The following VPS45 variants were observed in gnomAD, a reference collection of about 807,000 sequenced individuals.
The protein encoded by VPS45 is vacuolar protein sorting-associated protein 45.
In VPS45, 35 loss-of-function variants were observed where a neutral mutation model predicts 75.9. The observed-to-expected ratio is 0.46, with a 90% CI of 0.35 to 0.61. The LOEUF is 0.61. Ranked by LOEUF, VPS45 falls within the 20% of genes least tolerant of loss-of-function variation. The pLI is 0.00. For missense variants in VPS45, 559 were observed against 685.9 expected, an observed-to-expected ratio of 0.81 and a Z score of 2.07; for synonymous variants, 220 against 238.2, an observed-to-expected ratio of 0.92 and a Z score of 0.70.
chr1:150,093,436 G>A, intron 12 of VPS45, 91 bp from the exon 13 acceptor site: 3 of 1,378,800 alleles, frequency 2.2e-6, no homozygotes, highest in Non-Finnish European at 2.9e-6. Flanking sequence ...AATCTCTATT[G>A]AGTGTATGTC....
rs201173713 is a variant in VPS45 at position 150,093,518 on chromosome 1, C to T, written c.1372-9C>T. ...AAAATGACATAAGAACCATTTTCCC[C>T]TGTTTTAGGGAGTAGAAAATGTATA... On this transcript the variant is annotated splice_polypyrimidine_tract_variant and intron_variant, in intron 12 of 14. Transcript: ENST00000644510. The T allele has an allele frequency of 2.5e-6, 4 of 1,603,984 alleles. No individual in the cohort carries two copies. The East Asian group carries it at 8.9e-5, about 36-fold the overall frequency.
rs375079523 is a variant in VPS45 at position 150,077,656 on chromosome 1, C to G, written c.577-13C>G. 12 of 1,588,060 alleles carry G rather than the reference C, an allele frequency of 7.6e-6. No homozygotes were observed. In the African/African-American group the frequency reaches 8.1e-5, roughly 11 times the overall value. On this transcript the variant is annotated splice_polypyrimidine_tract_variant and intron_variant, in intron 6 of 14. Transcript: ENST00000644510. ...AGATGGTTGCACAAACCATCTTTCT[C>G]TCTCACCCACAGCAAGTGATAACTA... is the stretch of plus-strand genomic sequence containing the variant.
rs587708174 is a variant in VPS45, at chr1:150,096,991, G to A, written c.1493+3343G>A. The stretch of plus-strand genomic sequence containing the variant: ...TACCTAAACTACAGTACAATATTAC[G>A]TATTCTTTTTTTTTTAAATGACATA... On this transcript the variant is annotated intron_variant, in intron 13 of 14. Coordinates refer to ENST00000644510, the MANE Select transcript of VPS45 (RefSeq NM_007259.5). Among the ~76,000 whole-genome samples the A allele has an allele frequency of 6.4e-4, 13 of 20,452 alleles. No individual in the cohort carries two copies. In the South Asian group the frequency reaches 0.022, roughly 35 times the overall value. The allele number at this position is 20,452 out of a possible 152,430, so 13.4% of individuals were successfully genotyped here. A position where few individuals can be genotyped will look rare whatever the true frequency, so the allele number is the denominator to read the frequency against.
chr1:150,074,066 G>C lies in VPS45; in HGVS notation c.289+1840G>C, dbSNP rs141520524. 7.3e-5 allele frequency among the ~76,000 whole-genome samples: 11 copies of C among 150,170 alleles called. No individual in the cohort carries two copies. The East Asian group carries it at 2.1e-3, about 29-fold the overall frequency. The stretch of plus-strand genomic sequence containing the variant: ...GTCTTGCTTTGTCACCCAGGCTGGA[G>C]TGCAGTGTCGCCATCTCAACTCACT... On this transcript the variant is annotated intron_variant, in intron 3 of 14. Transcript: ENST00000644510.
intron 3 of VPS45, 121 bp from the exon 4 acceptor site, chr1:150,076,112 T>C (rs1571821714): frequency 2.8e-6 from 1 of 355,050 alleles, no homozygotes; most frequent in Non-Finnish European, 5.0e-6. Flanking sequence ...ATTAAATATA[T>C]TTTTGCTACC....
At chr1:150,076,818 CAA>C in intron 4 of VPS45, 96 bp from the exon 5 acceptor site, 1 of 1,372,678 alleles carries the variant, frequency 7.3e-7, no homozygotes, top group Non-Finnish European at 1.0e-6. Flanking sequence ...CTGTATTTCA[CAA>C]AGTTTGGCTA....
chr1:150,088,068 C>G (rs931841984), intron 10 of VPS45, among the ~76,000 whole-genome samples: 2 of 152,054 alleles, frequency 1.3e-5, no homozygotes, highest in African/African-American at 4.8e-5. Context: ...CATTTCTTTG[C>G]GATAAGAACA....
rs587716638 is a variant in VPS45 at position 150,145,142 on chromosome 1, T to G, written c.*346T>G. 1.0e-5 allele frequency: 5 copies of G among 479,502 alleles called. No individual in the cohort carries two copies. The highest frequency in any genetic ancestry group is 7.6e-5 in the African/African-American group (4 of 52,486). 29.7% of individuals were successfully genotyped at this position (479,502 alleles called of 1,614,324 possible). A position where few individuals can be genotyped will look rare whatever the true frequency, so the allele number is the denominator to read the frequency against. On this transcript the variant is annotated 3_prime_UTR_variant, in exon 15 of 15. Transcript: ENST00000644510. ...CATTTGATGTACATACCACACTCCTTGGCTTCCTTTCTCTTCCCTTAACCC... is the reference window on the plus strand; with the variant it reads ...CATTTGATGTACATACCACACTCCTGGGCTTCCTTTCTCTTCCCTTAACCC...
At chr1:150,074,654 A>G (rs1655267661) in intron 3 of VPS45, among the ~76,000 whole-genome samples, 1 of 152,094 alleles carries the variant, frequency 6.6e-6, no homozygotes. Flanking sequence ...TCCCAAAGTG[A>G]TGGGATTACA....
intron 10 of VPS45, among the ~76,000 whole-genome samples, chr1:150,088,076 A>G (rs587717999): frequency 6.6e-6 from 1 of 152,346 alleles, no homozygotes; most frequent in Non-Finnish European, 1.5e-5. Flanking sequence ...TGCGATAAGA[A>G]CATTTAAAAA....
intron 10 of VPS45, among the ~76,000 whole-genome samples, chr1:150,090,982 G>T (rs1477421755): frequency 6.6e-6 from 1 of 152,038 alleles, no homozygotes; most frequent in Non-Finnish European, 1.5e-5. Context: ...TTTTCTTAAG[G>T]TATTGGTAAG....
chr1:150,072,560 G>A (rs1200675815), intron 3 of VPS45, among the ~76,000 whole-genome samples: 2 of 151,820 alleles, frequency 1.3e-5, no homozygotes, highest in Non-Finnish European at 2.9e-5. Context: ...GGGAGGCTGA[G>A]GCAGGAGAAT....
At chr1:150,076,833 T>A in intron 4 of VPS45, 83 bp from the exon 5 acceptor site, 1 of 1,485,990 alleles carries the variant, frequency 6.7e-7, no homozygotes, top group East Asian at 2.3e-5. Context: ...TTTGGCTATA[T>A]CATATTATAT....
At chr1:150,084,502 CA>C (rs1553800274) in intron 10 of VPS45, among the ~76,000 whole-genome samples, 3 of 152,106 alleles carry the variant, frequency 2.0e-5, no homozygotes, top group African/African-American at 7.2e-5. Context: ...GAGGTAATCC[CA>C]TGTTTCCTGA....
At chr1:150,142,669 CTGT>C (rs1197654729) in intron 14 of VPS45, among the ~76,000 whole-genome samples, 3 of 152,016 alleles carry the variant, frequency 2.0e-5, no homozygotes, top group African/African-American at 7.2e-5. Flanking sequence ...GTTGTTGTTG[CTGT>C]TGTTGTTGTT....
At chr1:150,095,484 G>A (rs2101574261) in intron 13 of VPS45, among the ~76,000 whole-genome samples, 1 of 152,248 alleles carries the variant, frequency 6.6e-6, no homozygotes, top group African/African-American at 2.4e-5. Context: ...GTGGGTAGCA[G>A]GCGCCTGTAA....
intron 2 of VPS45, among the ~76,000 whole-genome samples, chr1:150,069,677 T>C (rs782764487): frequency 1.3e-4 from 20 of 152,014 alleles, no homozygotes; most frequent in East Asian, 3.9e-4. Flanking sequence ...AGGATGGTCT[T>C]GATCTCCTGA....
intron 11 of VPS45, 92 bp downstream of exon 11, chr1:150,092,187 T>G: frequency 6.6e-7 from 1 of 1,522,846 alleles, no homozygotes; most frequent in Non-Finnish European, 8.9e-7. Context: ...CTATTTTTAT[T>G]TACAGAAATG....
In VPS45 at chr1:150,144,846, G is replaced by T; in HGVS notation, c.*50G>T. ...GCTTCCTCTCTTGTCCCCACTACAG[G>T]TTTTCCCTACTAAACAAAGGTGTTG... is the stretch of plus-strand genomic sequence containing the variant. On this transcript the variant is annotated 3_prime_UTR_variant, in exon 15 of 15. Coordinates refer to ENST00000644510, the MANE Select transcript of VPS45 (RefSeq NM_007259.5). 1 of 1,612,350 alleles carries T rather than the reference G, an allele frequency of 6.2e-7. No homozygotes were observed.
Sources: allele counts gnomAD v4.1 joint callset (sites outside exome capture counted in the v4.1 genomes callset), GRCh38; gene constraint gnomAD v4.1.1; transcripts MANE v1.5; gene names NCBI Gene and HGNC (gene_info 2026-07-23, HGNC 2026-07-21).